Variants in USP48 observed in about 807,000 individuals in gnomAD.
USP48 encodes ubiquitin specific peptidase 48.
USP48 carries 43 observed loss-of-function variants against 150.7 expected under a neutral mutation model. That is an observed-to-expected ratio of 0.29 (90% confidence interval 0.22 to 0.37). USP48 has a LOEUF of 0.37. USP48 is among the 10% of genes least tolerant of loss of function. The pLI, the probability that USP48 is intolerant of heterozygous loss-of-function variation, is 1.00. For synonymous variants in USP48, 396 were observed against 425.9 expected, an observed-to-expected ratio of 0.93 and a Z score of 0.86; for missense variants, 813 against 1,249.6, an observed-to-expected ratio of 0.65 and a Z score of 5.27.
At chr1:21,751,069 T>C (rs2097811469) in intron 6 of USP48, among the ~76,000 whole-genome samples, 1 of 152,134 alleles carries the variant, frequency 6.6e-6, no homozygotes, top group Non-Finnish European at 1.5e-5. Context: ...TCTTAGCAGT[T>C]TTCCACTCAG....
intron 5 of USP48, 121 bp downstream of exon 5, chr1:21,752,406 A>G: frequency 8.4e-7 from 1 of 1,187,472 alleles, no homozygotes. Context: ...ATTACTATAA[A>G]TATTTCAGGT....
At chr1:21,771,706 G>C (rs1382221238) in intron 1 of USP48, among the ~76,000 whole-genome samples, 3 of 151,918 alleles carry the variant, frequency 2.0e-5, no homozygotes, top group Non-Finnish European at 2.9e-5. Flanking sequence ...GATCACCTGA[G>C]GTCGACAGTT....
intron 25 of USP48, among the ~76,000 whole-genome samples, chr1:21,683,423 C>T (rs1311023622): frequency 1.3e-5 from 2 of 151,998 alleles, no homozygotes; most frequent in Non-Finnish European, 1.5e-5. Context: ...CTCAATCTGT[C>T]ACCCAGGCTT....
intron 6 of USP48, among the ~76,000 whole-genome samples, chr1:21,748,683 G>A (rs1292081948): frequency 6.6e-6 from 1 of 152,244 alleles, no homozygotes; most frequent in East Asian, 1.9e-4. Flanking sequence ...GGCCGAGGTG[G>A]GTGGATCACT....
intron 23 of USP48, among the ~76,000 whole-genome samples, chr1:21,694,572 C>CAAAAAAAAAAAAAAA (rs1204062748): frequency 3.3e-4 from 4 of 12,020 alleles, no homozygotes; most frequent in African/African-American, 4.6e-4. Context: ...TCTGTCTCAC[C>CAAAAAAAAAAAAAAA]AAAAAAAAAA....
At chr1:21,782,186 T>C (rs1045823858) in intron 1 of USP48, among the ~76,000 whole-genome samples, 5 of 151,994 alleles carry the variant, frequency 3.3e-5, no homozygotes, top group Non-Finnish European at 7.4e-5. Context: ...AAGGATTCAA[T>C]CTATATGAGG....
chr1:21,686,410 T>C (rs577418411), intron 25 of USP48: 5 of 152,374 alleles, frequency 3.3e-5, no homozygotes, highest in Admixed American at 3.3e-4. Flanking sequence ...TTGAATTTTA[T>C]CAAATGCTTT....
chr1:21,748,404 A>C lies in USP48; in HGVS notation c.775-133T>G. 3 of 765,576 alleles carry C rather than the reference A, an allele frequency of 3.9e-6. No individual in the cohort carries two copies. In the Middle Eastern group the frequency reaches 1.2e-3, roughly 296 times the overall value. 47.4% of individuals were successfully genotyped at this position (765,576 alleles called of 1,614,324 possible). ...AAGCTACTTAAAAACAGCTACTATA[A>C]ATAATGGACACACAAAAGTAATGGG... On this transcript the variant is annotated intron_variant, in intron 6 of 26. Transcript: ENST00000308271.
intron 8 of USP48, among the ~76,000 whole-genome samples, chr1:21,738,636 G>A (rs1318546872): frequency 6.6e-6 from 1 of 151,838 alleles, no homozygotes; most frequent in Admixed American, 6.6e-5. Context: ...GGGATTACAG[G>A]TGTGAGCCAC....
At chr1:21,681,018 C>T (rs1458848801) in intron 25 of USP48, 184 bp from the exon 26 acceptor site, 4 of 544,926 alleles carry the variant, frequency 7.3e-6, no homozygotes, top group South Asian at 4.6e-5. Flanking sequence ...CTGTTTTTAT[C>T]AAAGCAATAC....
At chr1:21,772,562 G>A (rs1572049901) in intron 1 of USP48, among the ~76,000 whole-genome samples, 2 of 151,130 alleles carry the variant, frequency 1.3e-5, no homozygotes, top group East Asian at 3.9e-4. Context: ...GGCGGAGCTC[G>A]CAGTGAGCCG....
At chr1:21,738,107 G>T (rs1366689944) in intron 8 of USP48, among the ~76,000 whole-genome samples, 1 of 152,006 alleles carries the variant, frequency 6.6e-6, no homozygotes, top group East Asian at 1.9e-4. Context: ...GCCCAGGCTG[G>T]AGTGCAATGG....
At chr1:21,707,291 A>G (rs576872391) in intron 15 of USP48, among the ~76,000 whole-genome samples, 1 of 152,284 alleles carries the variant, frequency 6.6e-6, no homozygotes, top group South Asian at 2.1e-4. Flanking sequence ...TTTCCTGCAG[A>G]CTTTATTGCC....
chr1:21,696,835 G>A (rs981730125), intron 22 of USP48, among the ~76,000 whole-genome samples: 3 of 121,230 alleles, frequency 2.5e-5, no homozygotes, highest in Admixed American at 1.2e-4. Flanking sequence ...AATGATCAGA[G>A]GTTAATGATC....
chr1:21,747,094 C>G lies in USP48; in HGVS notation c.964G>C (p.Asp322His). The part of the protein sequence containing the change: ...NTYIGFSEIL[D>H]MEPYVEHKGG... ...TTATGTTCCACATAAGGCTCCATATCCAAAATTTCTGAGAAGCCAATGTAG... is the reference window on the plus strand; with the variant it reads ...TTATGTTCCACATAAGGCTCCATATGCAAAATTTCTGAGAAGCCAATGTAG... The change falls in exon 8 of 27, where the codon GAT becomes CAT. Residue 322 changes from aspartate (D) to histidine (H), a missense_variant. Transcript: ENST00000308271. 1 of 1,612,100 alleles carries G rather than the reference C, an allele frequency of 6.2e-7. No homozygotes were observed. Among genetic ancestry groups the G allele is most frequent in the South Asian group, 1.1e-5 (1 of 90,784 alleles).
At chr1:21,777,454 T>G (rs1462565610) in intron 1 of USP48, among the ~76,000 whole-genome samples, 1 of 151,912 alleles carries the variant, frequency 6.6e-6, no homozygotes, top group African/African-American at 2.4e-5. Flanking sequence ...TGCTTGAGGC[T>G]AAAGGTTCAA....
At chr1:21,739,494 G>A (rs1437655678) in intron 8 of USP48, among the ~76,000 whole-genome samples, 2 of 116,610 alleles carry the variant, frequency 1.7e-5, no homozygotes, top group Non-Finnish European at 3.2e-5. Flanking sequence ...ACTCCGGCCT[G>A]GAAAACAAGG....
At chr1:21,689,919 T>G in intron 24 of USP48, 55 bp downstream of exon 24, 1 of 1,600,896 alleles carries the variant, frequency 6.2e-7, no homozygotes, top group Non-Finnish European at 8.5e-7. Flanking sequence ...AGTTTACACA[T>G]AGTTATGTAA....
intron 9 of USP48, 91 bp from the exon 10 acceptor site, chr1:21,729,923 T>G: frequency 6.5e-7 from 1 of 1,528,782 alleles, no homozygotes; most frequent in Non-Finnish European, 9.0e-7. Context: ...TTCCAAAATA[T>G]ACACCCAAGA....
Sources: gnomAD v4.1 joint callset for allele counts (sites outside exome capture counted in the v4.1 genomes callset) on GRCh38, gnomAD v4.1.1 for gene constraint, MANE v1.5 for transcripts, NCBI Gene and HGNC (gene_info 2026-07-23, HGNC 2026-07-21) for gene names.